Variants in CHST8 observed in about 807,000 individuals in gnomAD.
CHST8 encodes the protein GALNAC-4-ST1.
CHST8 carries 10 observed loss-of-function variants against 15.0 expected under a neutral mutation model. The ratio of observed to expected loss-of-function variants is 0.67; its 90% confidence interval spans 0.41 to 1.13. The LOEUF (loss-of-function observed/expected upper bound fraction) is 1.13, where lower values mean the gene tolerates loss of function less well. Among genes scored for constraint, CHST8 ranks in the 50% most tolerant of loss-of-function variants. The pLI, the probability that CHST8 is intolerant of heterozygous loss-of-function variation, is 0.00. For missense variants in CHST8, 634 were observed against 608.2 expected, an observed-to-expected ratio of 1.04 and a Z score of -0.45; for synonymous variants, 259 against 256.6, an observed-to-expected ratio of 1.01 and a Z score of -0.09.
In CHST8 at chr19:33,771,953, C is replaced by G; in HGVS notation, c.169-4C>G. 2 of 1,557,064 alleles carry G rather than the reference C, an allele frequency of 1.3e-6. No homozygotes were observed. Among genetic ancestry groups the G allele is most frequent in the Non-Finnish European group, 1.7e-6 (2 of 1,154,576 alleles). On this transcript the variant is annotated splice_polypyrimidine_tract_variant and splice_region_variant and intron_variant, in intron 4 of 4. Coordinates refer to ENST00000650847, the MANE Select transcript of CHST8 (RefSeq NM_001127895.2). ...TCAGATAACCACTTCTCTTCTTGCC[C>G]CAGGACCTCCCACCAGGCGGCTCCC...
chr19:33,762,770 T>C (rs1260844661), intron 3 of CHST8, among the ~76,000 whole-genome samples: 1 of 152,218 alleles, frequency 6.6e-6, no homozygotes, highest in Non-Finnish European at 1.5e-5. Context: ...TACCGATGAA[T>C]TTTTAGCCCA....
intron 3 of CHST8, among the ~76,000 whole-genome samples, chr19:33,721,032 T>C (rs1037262623): frequency 3.3e-5 from 5 of 152,216 alleles, no homozygotes; most frequent in African/African-American, 1.2e-4. Context: ...CATCCCAGGT[T>C]CAGGGCCACT....
intron 3 of CHST8, among the ~76,000 whole-genome samples, chr19:33,722,889 C>T (rs533911332): frequency 2.2e-4 from 33 of 152,340 alleles, no homozygotes; most frequent in African/African-American, 7.9e-4. Context: ...ACATGTCAGT[C>T]CTTTGCCAGG....
chr19:33,691,812 C>T (rs1195351299), intron 3 of CHST8, among the ~76,000 whole-genome samples: 1 of 152,214 alleles, frequency 6.6e-6, no homozygotes, highest in African/African-American at 2.4e-5. Context: ...CCTGATCAGG[C>T]AAACAGGCAG....
intron 3 of CHST8, among the ~76,000 whole-genome samples, chr19:33,763,104 C>T (rs1485283686): frequency 1.3e-5 from 2 of 152,096 alleles, no homozygotes; most frequent in Non-Finnish European, 1.5e-5. Flanking sequence ...ATGATCTGCC[C>T]GCCTCAGTCT....
chr19:33,733,753 C>A (rs1267540206), intron 3 of CHST8, among the ~76,000 whole-genome samples: 2 of 152,214 alleles, frequency 1.3e-5, no homozygotes, highest in Admixed American at 1.3e-4. Context: ...CAGGCCCTTC[C>A]TTCAGCTCCG....
chr19:33,632,599 T>C (rs1972136063), intron 1 of CHST8, among the ~76,000 whole-genome samples: 1 of 152,164 alleles, frequency 6.6e-6, no homozygotes, highest in Non-Finnish European at 1.5e-5. Flanking sequence ...AGTGAATGTC[T>C]GCAAACTGAG....
At chr19:33,767,077 T>A (rs1974862935) in intron 3 of CHST8, among the ~76,000 whole-genome samples, 1 of 145,680 alleles carries the variant, frequency 6.9e-6, no homozygotes. Flanking sequence ...GGCGGGACAC[T>A]AGCATCATCG....
At chr19:33,679,410 T>C (rs1435133760) in intron 2 of CHST8, among the ~76,000 whole-genome samples, 1 of 152,188 alleles carries the variant, frequency 6.6e-6, no homozygotes, top group Non-Finnish European at 1.5e-5. Context: ...GAGGGAACTT[T>C]TAACCCAAAT....
intron 1 of CHST8, among the ~76,000 whole-genome samples, chr19:33,634,094 A>G (rs745572582): frequency 3.9e-5 from 6 of 152,164 alleles, no homozygotes; most frequent in Non-Finnish European, 8.8e-5. Flanking sequence ...TCCTGGGATT[A>G]CAGGCATGAG....
At position 33,691,214 on chromosome 19, in the gene CHST8, G is replaced by A. The variant is rs141781495; in HGVS notation, c.130+1823G>A. 3.8e-3 allele frequency among the ~76,000 whole-genome samples: 581 copies of A among 152,332 alleles called. 1 individual carries two copies. The highest frequency in any genetic ancestry group is 0.01 in the Middle Eastern group (3 of 294). ...AGGTGGGCTGGGGACCCAGGGGACG[G>A]CTGGGATTTCTGGGAAGATCGGATC... On this transcript the variant is annotated intron_variant, in intron 3 of 4. Transcript: ENST00000650847.
chr19:33,768,433 AT>A (rs955765729), intron 3 of CHST8, among the ~76,000 whole-genome samples: 27 of 151,734 alleles, frequency 1.8e-4, no homozygotes, highest in African/African-American at 4.4e-4. Flanking sequence ...ATAAATGTAA[AT>A]TTTTTTTCTT....
intron 1 of CHST8, among the ~76,000 whole-genome samples, chr19:33,649,829 T>C (rs933117456): frequency 1.1e-4 from 16 of 152,126 alleles, no homozygotes; most frequent in African/African-American, 3.9e-4. Flanking sequence ...GGCTGGTAAA[T>C]CAGAGGGGTA....
intron 2 of CHST8, among the ~76,000 whole-genome samples, chr19:33,683,479 G>T (rs1972924661): frequency 6.6e-6 from 1 of 152,126 alleles, no homozygotes; most frequent in African/African-American, 2.4e-5. Context: ...GCTCCCTGGG[G>T]GCCGTTTCTT....
chr19:33,697,776 A>G (rs1016590986), intron 3 of CHST8, among the ~76,000 whole-genome samples: 1 of 152,134 alleles, frequency 6.6e-6, no homozygotes, highest in Admixed American at 6.5e-5. Flanking sequence ...AACAGTGTGG[A>G]TAAAGGATTG....
chr19:33,720,083 G>T (rs1045393454), intron 3 of CHST8, among the ~76,000 whole-genome samples: 16 of 152,124 alleles, frequency 1.1e-4, no homozygotes, highest in Admixed American at 6.5e-4. Flanking sequence ...CCTCCGCCAG[G>T]CTGGAGTCAC....
chr19:33,630,648 C>T (rs1330065470), intron 1 of CHST8, among the ~76,000 whole-genome samples: 5 of 151,542 alleles, frequency 3.3e-5, no homozygotes, highest in Admixed American at 6.6e-5. Flanking sequence ...AGTCCGTCTA[C>T]GATGACGGAG....
intron 3 of CHST8, among the ~76,000 whole-genome samples, chr19:33,757,898 C>T (rs1349248114): frequency 1.3e-5 from 2 of 152,188 alleles, no homozygotes; most frequent in Non-Finnish European, 2.9e-5. Flanking sequence ...GTGTAATCCT[C>T]AGGCCAGAGC....
chr19:33,629,926 C>A (rs1055956159), intron 1 of CHST8, among the ~76,000 whole-genome samples: 3 of 152,270 alleles, frequency 2.0e-5, no homozygotes, highest in Non-Finnish European at 4.4e-5. Flanking sequence ...CCACTGTGGA[C>A]CCCTGGACAT....
Sources: gnomAD v4.1 joint callset for allele counts (sites outside exome capture counted in the v4.1 genomes callset) on GRCh38, gnomAD v4.1.1 for gene constraint, MANE v1.5 for transcripts, NCBI Gene and HGNC (gene_info 2026-07-23, HGNC 2026-07-21) for gene names.